Variants in HORMAD2 observed in about 807,000 individuals in gnomAD.
HORMAD2 encodes HORMA domain-containing protein 2.
In HORMAD2, 45 loss-of-function variants were observed where a neutral mutation model predicts 38.8. The ratio of observed to expected loss-of-function variants is 1.16; its 90% CI spans 0.91 to 1.49. The LOEUF is 1.49. Among genes scored for constraint, HORMAD2 ranks in the 40% most tolerant of loss-of-function variants. The probability of loss-of-function intolerance (pLI) is 0.00; values close to 1 mark genes in which losing one functional copy is unlikely to be tolerated. For missense variants in HORMAD2, 338 were observed against 367.0 expected (o/e 0.92, Z 0.65); for synonymous variants, 126 against 122.8 (o/e 1.03, Z -0.17).
chr22:30,141,190 G>T (rs1008930171), intron 10 of HORMAD2, among the ~76,000 whole-genome samples: 2 of 151,846 alleles, frequency 1.3e-5, no homozygotes, highest in Non-Finnish European at 2.9e-5. Context: ...TAAAGACGGG[G>T]TTTCACCATG....
At chr22:30,086,431 G>C (rs1049270706) in intron 1 of HORMAD2, among the ~76,000 whole-genome samples, 1 of 152,184 alleles carries the variant, frequency 6.6e-6, no homozygotes, top group Non-Finnish European at 1.5e-5. Context: ...CTGAGAGCTA[G>C]AAGGAATATA....
intron 10 of HORMAD2, among the ~76,000 whole-genome samples, chr22:30,127,778 C>G (rs770728768): frequency 1.3e-5 from 2 of 152,172 alleles, no homozygotes; most frequent in Non-Finnish European, 2.9e-5. Context: ...AACTTCTGAC[C>G]AAACATGCAC....
In HORMAD2 at chr22:30,137,049, CA is replaced by C. The variant is rs1443820484; in HGVS notation, c.819+14839del. On this transcript the variant is annotated intron_variant, in intron 10 of 10. Coordinates refer to ENST00000336726, the MANE Select transcript of HORMAD2 (RefSeq NM_152510.4). ...GTTGCATTTTTTAGTAAAATCAACA[CA>C]AAACAGACAAAGTAAATAATCATTG... The C allele has an allele frequency of 9.9e-5, 37 of 375,024 alleles. No individual in the cohort carries two copies. In the Middle Eastern group the frequency reaches 2.0e-3, roughly 21 times the overall value. 23.2% of individuals were successfully genotyped at this position (375,024 alleles called of 1,614,324 possible).
chr22:30,190,134 G>C, the HORMAD2 span, among the ~76,000 whole-genome samples: 3 of 152,102 alleles, frequency 2.0e-5, no homozygotes, highest in African/African-American at 7.2e-5. Flanking sequence ...TGTGAAATGG[G>C]GATAATCATT....
At chr22:30,088,673 A>G in intron 1 of HORMAD2, among the ~76,000 whole-genome samples, 1 of 151,364 alleles carries the variant, frequency 6.6e-6, no homozygotes, top group Non-Finnish European at 1.5e-5. Flanking sequence ...TAATTAAAAA[A>G]GTTAATTTAA....
chr22:30,078,564 C>T (rs184677308), upstream of HORMAD2, among the ~76,000 whole-genome samples: 4 of 134,018 alleles, frequency 3.0e-5, no homozygotes, highest in Admixed American at 3.4e-4. Context: ...CAATATCACG[C>T]CACTGCACTC....
chr22:30,111,167 A>AG (rs1204407997), intron 5 of HORMAD2, among the ~76,000 whole-genome samples: 3 of 150,116 alleles, frequency 2.0e-5, no homozygotes, highest in African/African-American at 7.3e-5. Flanking sequence ...AAAAAAAAAA[A>AG]AAGAAAGAAA....
chr22:30,165,226 T>C (rs2123724176), intron 10 of HORMAD2, among the ~76,000 whole-genome samples: 1 of 152,292 alleles, frequency 6.6e-6, no homozygotes, highest in South Asian at 2.1e-4. Context: ...TACATGAGGG[T>C]TTATTTCTGG....
intron 2 of HORMAD2, 120 bp from the exon 3 acceptor site, chr22:30,098,732 C>G (rs1920925547): frequency 1.3e-6 from 1 of 796,346 alleles, no homozygotes; most frequent in African/African-American, 1.8e-5. Context: ...TTTTTGATTA[C>G]CTTCAAAGAT....
chr22:30,188,243 C>T, the HORMAD2 span, among the ~76,000 whole-genome samples: 1 of 152,098 alleles, frequency 6.6e-6, no homozygotes, highest in Non-Finnish European at 1.5e-5. Context: ...TATGTGCTGA[C>T]CTAACCTCAA....
intron 10 of HORMAD2, among the ~76,000 whole-genome samples, chr22:30,126,532 G>T (rs1305165266): frequency 6.6e-6 from 1 of 152,126 alleles, no homozygotes; most frequent in Admixed American, 6.6e-5. Context: ...ACATGTTGTT[G>T]TAGACCATCC....
chr22:30,162,070 T>C (rs1302353483), intron 10 of HORMAD2, among the ~76,000 whole-genome samples: 1 of 152,120 alleles, frequency 6.6e-6, no homozygotes, highest in Non-Finnish European at 1.5e-5. Flanking sequence ...CCCAGCACTT[T>C]GGGAGGCTGG....
At chr22:30,200,553 C>A in the HORMAD2 span, among the ~76,000 whole-genome samples, 1 of 151,928 alleles carries the variant, frequency 6.6e-6, no homozygotes, top group African/African-American at 2.4e-5. Context: ...TTTTCTAAAT[C>A]ATTTTATTAA....
chr22:30,205,405 C>T, the HORMAD2 span, among the ~76,000 whole-genome samples: 1 of 152,198 alleles, frequency 6.6e-6, no homozygotes, highest in African/African-American at 2.4e-5. Flanking sequence ...AAACTGCTGC[C>T]TGGATGACCT....
intron 1 of HORMAD2, among the ~76,000 whole-genome samples, chr22:30,083,157 C>T (rs1471329308): frequency 1.3e-5 from 2 of 152,074 alleles, no homozygotes; most frequent in African/African-American, 2.4e-5. Flanking sequence ...GTACTAGCTA[C>T]TTAGGAGGCT....
the HORMAD2 span, among the ~76,000 whole-genome samples, chr22:30,188,764 C>G: frequency 6.6e-6 from 1 of 152,100 alleles, no homozygotes; most frequent in Non-Finnish European, 1.5e-5. Flanking sequence ...TTTAAAATAC[C>G]TTTTTCCCCA....
In HORMAD2 at chr22:30,098,960, C is replaced by G. The variant is rs1920926781; in HGVS notation, c.160C>G (p.Pro54Ala). The G allele has an allele frequency of 1.2e-6, 2 of 1,612,516 alleles. No homozygotes were observed. The highest frequency in any genetic ancestry group is 1.7e-6 in the Non-Finnish European group (2 of 1,179,180). The change falls in exon 3 of 11, where the codon CCA becomes GCA. Residue 54 changes from proline to alanine, a missense_variant. Pro to Ala is a conservative substitution (Grantham distance 27). Transcript: ENST00000336726. ...SCITYLRGLF[P>A]ESSYGERHLD... Reference sequence around the variant, plus strand: ...TATAACATACCTAAGGGGCCTGTTTCCAGAGAGCTCTTATGGAGAACGCCA... The same window carrying G: ...TATAACATACCTAAGGGGCCTGTTTGCAGAGAGCTCTTATGGAGAACGCCA...
intron 10 of HORMAD2, among the ~76,000 whole-genome samples, chr22:30,165,912 G>A (rs958145530): frequency 1.3e-5 from 2 of 151,368 alleles, no homozygotes; most frequent in Non-Finnish European, 1.5e-5. Flanking sequence ...TAGGGTAACT[G>A]TTTCCCCTCA....
chr22:30,154,784 AG>A (rs1924962139), intron 10 of HORMAD2, among the ~76,000 whole-genome samples: 1 of 152,186 alleles, frequency 6.6e-6, no homozygotes, highest in South Asian at 2.1e-4. Context: ...AGAATAACAT[AG>A]GGCTGGGCAT....
Sources: allele counts gnomAD v4.1 joint callset (sites outside exome capture counted in the v4.1 genomes callset), GRCh38; gene constraint gnomAD v4.1.1; transcripts MANE v1.5; gene names NCBI Gene and HGNC (gene_info 2026-07-23, HGNC 2026-07-21).